Variants in DGKH observed in about 807,000 individuals in gnomAD.
The protein encoded by DGKH is diacylglycerol kinase eta.
In DGKH, 90 loss-of-function variants were observed where a neutral mutation model predicts 159.3. The observed-to-expected ratio is 0.57, with a 90% CI of 0.48 to 0.67. The LOEUF (loss-of-function observed/expected upper bound fraction) is 0.67. Ranked by LOEUF, DGKH falls within the 30% of genes least tolerant of loss-of-function variation. The pLI is 0.00. For missense variants in DGKH, 1,181 were observed against 1,506.1 expected, an observed-to-expected ratio of 0.78 and a Z score of 3.57; for synonymous variants, 536 against 553.8, an observed-to-expected ratio of 0.97 and a Z score of 0.45.
intron 20 of DGKH, among the ~76,000 whole-genome samples, chr13:42,205,103 G>A (rs1034815875): frequency 1.3e-5 from 2 of 152,044 alleles, no homozygotes; most frequent in African/African-American, 4.8e-5. Flanking sequence ...TCCATTTTAG[G>A]TGTGACATCT....
chr13:42,093,183 G>A (rs1424543060), intron 1 of DGKH, among the ~76,000 whole-genome samples: 2 of 151,470 alleles, frequency 1.3e-5, no homozygotes, highest in African/African-American at 4.9e-5. Context: ...GATGGAGGTT[G>A]CAGTGAACTG....
At chr13:42,195,097 A>T in intron 17 of DGKH, 81 bp downstream of exon 17, 1 of 1,500,684 alleles carries the variant, frequency 6.7e-7, no homozygotes, top group Non-Finnish European at 9.0e-7. Context: ...TACTGTGGAA[A>T]CATGTTCTTA....
rs1958419416 is a variant in DGKH, at chr13:42,236,692, GA to G, written c.*7505del. On this transcript the variant is annotated 3_prime_UTR_variant, in exon 30 of 30. Coordinates refer to ENST00000337343, the MANE Select transcript of DGKH (RefSeq NM_178009.5). ...TGTAATCCCAGCACTTTGGAAAGCC[GA>G]GGGAGGTAGATCACCTGAGGTCAGG... 1 of 152,164 alleles carries G rather than the reference GA, an allele frequency of 6.6e-6. No homozygotes were observed. Among genetic ancestry groups the G allele is most frequent in the Non-Finnish European group, 1.5e-5 (1 of 68,060 alleles). 9.4% of individuals were successfully genotyped at this position (152,164 alleles called of 1,614,324 possible).
In DGKH at chr13:42,071,113, C is replaced by T. The variant is rs1245438483; in HGVS notation, c.192+22148C>T. 5 of 853,744 alleles carry T rather than the reference C, an allele frequency of 5.9e-6. No homozygotes were observed. The Admixed American group carries it at 1.4e-4, about 24-fold the overall frequency. The allele number at this position is 853,744 out of a possible 1,614,324, so 52.9% of individuals were successfully genotyped here. A position where few individuals can be genotyped will look rare whatever the true frequency, so the allele number is the denominator to read the frequency against. On this transcript the variant is annotated intron_variant, in intron 1 of 29. Coordinates refer to ENST00000337343, the MANE Select transcript of DGKH (RefSeq NM_178009.5). ...TGCCACTTTGAAACCCTTATGATTG[C>T]CTTTTCCTTTGGAATTGTTGAACTT...
upstream of DGKH, among the ~76,000 whole-genome samples, chr13:42,045,134 TAAC>T (rs1423858898): frequency 2.6e-5 from 4 of 152,034 alleles, no homozygotes; most frequent in African/African-American, 9.7e-5. Flanking sequence ...GATGTCTAAA[TAAC>T]AACAACCACA....
At chr13:42,151,050 G>T (rs558654360) in intron 3 of DGKH, among the ~76,000 whole-genome samples, 1 of 152,200 alleles carries the variant, frequency 6.6e-6, no homozygotes, top group South Asian at 2.1e-4. Context: ...AAGCTGAGAA[G>T]GGCAAAGACA....
At chr13:42,211,443 A>T (rs1256751867) in intron 24 of DGKH, among the ~76,000 whole-genome samples, 1 of 152,196 alleles carries the variant, frequency 6.6e-6, no homozygotes, top group Non-Finnish European at 1.5e-5. Context: ...CATGCCTGTA[A>T]TCCCAACACT....
chr13:42,173,961 G>A (rs898351583), intron 11 of DGKH, 99 bp from the exon 12 acceptor site: 10 of 711,798 alleles, frequency 1.4e-5, no homozygotes, highest in African/African-American at 6.2e-5. Flanking sequence ...GTGTGTGTGC[G>A]TGCGTGTGTG....
chr13:42,109,402 G>A (rs1345141606), intron 1 of DGKH, among the ~76,000 whole-genome samples: 1 of 152,176 alleles, frequency 6.6e-6, no homozygotes, highest in African/African-American at 2.4e-5. Context: ...TTGAACCCAG[G>A]CCGTACCTCT....
At chr13:42,075,886 C>T (rs1414559188) in intron 1 of DGKH, among the ~76,000 whole-genome samples, 1 of 152,160 alleles carries the variant, frequency 6.6e-6, no homozygotes, top group Non-Finnish European at 1.5e-5. Flanking sequence ...ATTGAACTTT[C>T]CTGTTTTTAT....
At position 42,174,151 on chromosome 13, in the gene DGKH, C is replaced by G. The variant is rs1294797185; in HGVS notation, c.1452+7C>G. On this transcript the variant is annotated splice_region_variant and intron_variant, in intron 12 of 29. Coordinates refer to ENST00000337343, the MANE Select transcript of DGKH (RefSeq NM_178009.5). ...AGCATCTGAAGAATTTTATGTAAGA[C>G]TTAACCCTTTACCTATCATTTGAAA... 2 of 1,605,988 alleles carry G rather than the reference C, an allele frequency of 1.2e-6. No individual in the cohort carries two copies. Among genetic ancestry groups the G allele is most frequent in the African/African-American group, 1.3e-5 (1 of 74,426 alleles).
chr13:42,219,153 A>G, intron 26 of DGKH, 77 bp from the exon 27 acceptor site: 1 of 1,565,568 alleles, frequency 6.4e-7, no homozygotes, highest in Non-Finnish European at 8.7e-7. Flanking sequence ...TTCACTGTCA[A>G]AGTACAATGA....
chr13:42,056,411 G>C (rs569147530), intron 1 of DGKH, among the ~76,000 whole-genome samples: 6 of 152,202 alleles, frequency 3.9e-5, no homozygotes, highest in African/African-American at 1.2e-4. Context: ...CAGACCACCA[G>C]AATGTAATTT....
intron 1 of DGKH, among the ~76,000 whole-genome samples, chr13:42,089,192 T>A (rs1016086541): frequency 6.6e-6 from 1 of 152,168 alleles, no homozygotes; most frequent in Non-Finnish European, 1.5e-5. Context: ...CCTTTTTCAA[T>A]AACTGATAGA....
chr13:42,105,019 A>ATATGTATG (rs34861728), intron 1 of DGKH, among the ~76,000 whole-genome samples: 7 of 150,440 alleles, frequency 4.7e-5, no homozygotes, highest in African/African-American at 1.7e-4. Context: ...ATGTACATAC[A>ATATGTATG]TATGTATGTA....
At position 42,070,189 on chromosome 13, in the gene DGKH, G is replaced by A. The variant is rs962507392; in HGVS notation, c.192+21224G>A. ...TTCTTCTGCTATTAACCAATCCATG[G>A]GGCTAAATGTCAAAATTTGTTCCAG... On this transcript the variant is annotated intron_variant, in intron 1 of 29. Transcript: ENST00000337343. 4.2e-6 allele frequency: 4 copies of A among 958,028 alleles called. No individual in the cohort carries two copies. The Admixed American group carries it at 6.8e-5, about 16-fold the overall frequency. 59.3% of individuals were successfully genotyped at this position (958,028 alleles called of 1,614,324 possible). A position where few individuals can be genotyped will look rare whatever the true frequency, so the allele number is the denominator to read the frequency against.
chr13:42,048,018 G>A (rs1490287272), upstream of DGKH, among the ~76,000 whole-genome samples: 3 of 151,408 alleles, frequency 2.0e-5, no homozygotes. The surrounding 1 kb of genome is among the most constrained non-coding windows in gnomAD (Gnocchi z 6.7). Context: ...GTGTGCGCCG[G>A]ATGGGGGTGG....
upstream of DGKH, among the ~76,000 whole-genome samples, chr13:42,047,003 TTC>T (rs1162521314): frequency 6.6e-6 from 1 of 152,264 alleles, no homozygotes; most frequent in African/African-American, 2.4e-5. Context: ...TTGATTATTT[TTC>T]TCTTTTAAGA....
chr13:42,148,019 G>A (rs1955782249), intron 3 of DGKH, among the ~76,000 whole-genome samples: 2 of 152,094 alleles, frequency 1.3e-5, no homozygotes, highest in Admixed American at 6.6e-5. Flanking sequence ...TGTTCTTAAG[G>A]GGAGAAAAAG....
Sources: allele counts gnomAD v4.1 joint callset (sites outside exome capture counted in the v4.1 genomes callset), GRCh38; gene constraint gnomAD v4.1.1; non-coding constraint Gnocchi (gnomAD v3.1); transcripts MANE v1.5; gene names NCBI Gene and HGNC (gene_info 2026-07-23, HGNC 2026-07-21).